Variants in OR52N4 observed in about 807,000 individuals in gnomAD.
The protein encoded by OR52N4 is olfactory receptor 52N4.
OR52N4 carries 15 observed loss-of-function variants against 15.0 expected under a neutral mutation model. That is an observed-to-expected ratio of 1.00 (90% CI 0.67 to 1.54). OR52N4 has a LOEUF of 1.54. OR52N4 is among the 40% of genes most tolerant of loss of function. The pLI is 0.00. For missense variants in OR52N4, 421 were observed against 394.0 expected (o/e 1.07, Z -0.58); for synonymous variants, 143 against 143.7 (o/e 1.00, Z 0.03).
At chr11:5,742,401 C>T in the OR52N4 span, among the ~76,000 whole-genome samples, 1 of 152,060 alleles carries the variant, frequency 6.6e-6, no homozygotes, top group African/African-American at 2.4e-5. Flanking sequence ...GCAAGATGAA[C>T]ATCACCAAGG....
the OR52N4 span, among the ~76,000 whole-genome samples, chr11:5,730,532 T>A: frequency 3.3e-5 from 5 of 152,156 alleles, no homozygotes; most frequent in Non-Finnish European, 5.9e-5. Flanking sequence ...AATTGTGTTA[T>A]ATTATGACTT....
upstream of OR52N4, among the ~76,000 whole-genome samples, chr11:5,751,206 A>G (rs11038928): frequency 0.13 from 19,185 of 151,974 alleles, 1,572 homozygotes; most frequent in East Asian, 0.23. Context: ...ATGTTTGTAT[A>G]TATTTTTAAA....
upstream of OR52N4, among the ~76,000 whole-genome samples, chr11:5,753,923 G>A (rs149383051): frequency 5.0e-3 from 758 of 150,404 alleles, 7 homozygotes; most frequent in African/African-American, 0.017. Flanking sequence ...AATCCGGGAG[G>A]TGGAGGTTGC....
At chr11:5,738,683 C>G in the OR52N4 span, among the ~76,000 whole-genome samples, 1 of 152,136 alleles carries the variant, frequency 6.6e-6, no homozygotes, top group East Asian at 1.9e-4. Context: ...TTCAGATGAT[C>G]AGATATAAAG....
In OR52N4 at chr11:5,755,530, C is replaced by T. The variant is rs766893415; in HGVS notation, c.790C>T (p.His264Tyr). Residue 264 changes from histidine (H) to tyrosine (Y), a missense_variant, in exon 2 of 2, where the codon CAC becomes TAC. His to Tyr is a moderately conservative substitution (Grantham distance 83). Transcript: ENST00000641350. ...TCCAGCTTTCTTCTCCTTCTTTTCC[C>T]ACCGCTTTGGGGAACACATAATCCC... ...YTPAFFSFFS[H>Y]RFGEHIIPPS... The T allele has an allele frequency of 4.3e-6, 7 of 1,613,752 alleles. No individual in the cohort carries two copies. In the African/African-American group the frequency reaches 5.3e-5, roughly 12 times the overall value.
chr11:5,741,963 A>T, the OR52N4 span, among the ~76,000 whole-genome samples: 7 of 152,182 alleles, frequency 4.6e-5, no homozygotes, highest in African/African-American at 9.7e-5. Context: ...ATGATATTTT[A>T]AAAAATAAAG....
rs1854266164 is a variant in OR52N4 at position 5,754,891 on chromosome 11, A to G, written c.151A>G (p.Ile51Val). Residue 51 changes from isoleucine to valine, a missense_variant, in exon 2 of 2, where the codon ATT (isoleucine) becomes GTT (valine). Transcript: ENST00000641350. Reference protein sequence around the residue: ...MVGNCGLLYLIHYEDALHKPM... With the variant: ...MVGNCGLLYLVHYEDALHKPM... ...AGGGAATTGTGGACTCCTCTACCTC[A>G]TTCACTATGAGGATGCCCTGCACAA... The G allele has an allele frequency of 3.7e-6, 6 of 1,613,688 alleles. No individual in the cohort carries two copies. The highest frequency in any genetic ancestry group is 5.1e-6 in the Non-Finnish European group (6 of 1,179,812).
chr11:5,729,209 T>G, the OR52N4 span, among the ~76,000 whole-genome samples: 1 of 137,088 alleles, frequency 7.3e-6, no homozygotes, highest in African/African-American at 2.7e-5. Context: ...CAGCTCCGCC[T>G]CCCAGGCTCA....
upstream of OR52N4, among the ~76,000 whole-genome samples, chr11:5,751,714 G>A (rs191048549): frequency 7.2e-5 from 11 of 151,856 alleles, no homozygotes; most frequent in East Asian, 3.9e-4. Flanking sequence ...TGATTTGCTC[G>A]GCTCTGAGGA....
chr11:5,737,411 G>C, the OR52N4 span: 260 of 1,613,894 alleles, frequency 1.6e-4, no homozygotes, highest in Non-Finnish European at 1.8e-4. Flanking sequence ...CAACCCTACA[G>C]TTTATGCACT....
At chr11:5,748,948 G>C in the OR52N4 span, among the ~76,000 whole-genome samples, 1 of 151,944 alleles carries the variant, frequency 6.6e-6, no homozygotes, top group African/African-American at 2.4e-5. Flanking sequence ...AGAATGGAAA[G>C]TTCTTGTTCT....
the OR52N4 span, among the ~76,000 whole-genome samples, chr11:5,728,427 G>A: frequency 2.6e-5 from 4 of 152,204 alleles, no homozygotes; most frequent in Admixed American, 2.6e-4. Context: ...ATGAAACTAA[G>A]ATTGGAAACC....
the OR52N4 span, among the ~76,000 whole-genome samples, chr11:5,728,713 G>C: frequency 6.6e-6 from 1 of 152,162 alleles, no homozygotes; most frequent in Non-Finnish European, 1.5e-5. Context: ...GTCTCTGTCA[G>C]GAATATAAGT....
chr11:5,744,311 TG>T, the OR52N4 span, among the ~76,000 whole-genome samples: 2 of 152,172 alleles, frequency 1.3e-5, no homozygotes, highest in Non-Finnish European at 2.9e-5. Context: ...ATACTGACAC[TG>T]TTTCAAAAAA....
the OR52N4 span, among the ~76,000 whole-genome samples, chr11:5,728,743 A>G: frequency 6.6e-6 from 1 of 152,188 alleles, no homozygotes; most frequent in Non-Finnish European, 1.5e-5. Context: ...GGACACTTCA[A>G]ATATGTTGGG....
the OR52N4 span, chr11:5,734,369 A>T: frequency 3.0e-6 from 1 of 336,116 alleles, no homozygotes; most frequent in Non-Finnish European, 5.9e-6. Flanking sequence ...TAGCATATAG[A>T]GGATTAGAGG....
In OR52N4 at chr11:5,754,772, C is replaced by T. The variant is rs1854261044; in HGVS notation, c.32C>T (p.Pro11Leu). 6.2e-7 allele frequency: 1 copy of T among 1,613,052 alleles called. No individual in the cohort carries two copies. The highest frequency in any genetic ancestry group is 1.3e-5 in the African/African-American group (1 of 74,792). MLTLNKTDLI[P>L]ASFILNGVPG... ...ACACTGAATAAAACAGACCTAATAC[C>T]AGCTTCATTTATTCTGAATGGAGTC... The change falls in exon 2 of 2, where the codon CCA becomes CTA. Residue 11 changes from proline (P) to leucine (L), a missense_variant. Pro to Leu is a moderately conservative substitution (Grantham distance 98). Coordinates refer to ENST00000641350, the MANE Select transcript of OR52N4 (RefSeq NM_001005175.5).
At chr11:5,728,591 C>G in the OR52N4 span, among the ~76,000 whole-genome samples, 1 of 152,120 alleles carries the variant, frequency 6.6e-6, no homozygotes, top group African/African-American at 2.4e-5. Context: ...GCCATCCTAC[C>G]CTGTTAGGTG....
At chr11:5,751,976 T>C (rs1306086625), upstream of OR52N4, among the ~76,000 whole-genome samples, 1 of 152,082 alleles carries the variant, frequency 6.6e-6, no homozygotes, top group Non-Finnish European at 1.5e-5. Flanking sequence ...GAAGAATGTA[T>C]AGGGATTAGC....
Sources: gnomAD v4.1 joint callset for allele counts (sites outside exome capture counted in the v4.1 genomes callset) on GRCh38, gnomAD v4.1.1 for gene constraint, MANE v1.5 for transcripts, NCBI Gene and HGNC (gene_info 2026-07-23, HGNC 2026-07-21) for gene names.